Variants in GRM1 observed in about 807,000 individuals in gnomAD.
GRM1 encodes glutamate metabotropic receptor 1, also known as metabotropic glutamate receptor 1.
GRM1 carries 33 observed loss-of-function variants against 90.9 expected under a neutral mutation model. The ratio of observed to expected loss-of-function variants is 0.36; its 90% confidence interval spans 0.28 to 0.49. The LOEUF is 0.49. Ranked by LOEUF, GRM1 falls within the 20% of genes least tolerant of loss-of-function variation. GRM1 has a pLI of 0.99. For synonymous variants in GRM1, 700 were observed against 613.2 expected, an observed-to-expected ratio of 1.14 and a Z score of -2.09; for missense variants, 1,190 against 1,534.3, an observed-to-expected ratio of 0.78 and a Z score of 3.75.
intron 1 of GRM1, among the ~76,000 whole-genome samples, chr6:146,108,473 A>G (rs970772327): frequency 1.3e-5 from 2 of 152,162 alleles, no homozygotes; most frequent in Non-Finnish European, 2.9e-5. Context: ...TGCCATTTGA[A>G]ATGTGCCTTT....
At chr6:146,178,629 A>C (rs1227729985) in intron 2 of GRM1, among the ~76,000 whole-genome samples, 1 of 152,144 alleles carries the variant, frequency 6.6e-6, no homozygotes, top group Admixed American at 6.5e-5. Context: ...GCGCTCAATA[A>C]GTTTTAGGTT....
chr6:146,240,438 A>T (rs565544653), intron 2 of GRM1, among the ~76,000 whole-genome samples: 11 of 151,818 alleles, frequency 7.2e-5, no homozygotes, highest in African/African-American at 2.7e-4. Context: ...GGAAACTGGT[A>T]CTATCTGTGG....
chr6:146,080,068 T>C (rs534970243), intron 1 of GRM1, among the ~76,000 whole-genome samples: 12 of 152,272 alleles, frequency 7.9e-5, no homozygotes, highest in African/African-American at 2.9e-4. Flanking sequence ...ATAAAGTAGG[T>C]AAGTGTGAGA....
chr6:146,303,759 T>A (rs1783476628), intron 2 of GRM1, among the ~76,000 whole-genome samples: 1 of 152,152 alleles, frequency 6.6e-6, no homozygotes, highest in Non-Finnish European at 1.5e-5. Flanking sequence ...AGAGTTGGGT[T>A]CAGTGTCTCT....
At chr6:146,424,640 G>C (rs1056965493) in intron 7 of GRM1, among the ~76,000 whole-genome samples, 8 of 152,226 alleles carry the variant, frequency 5.3e-5, no homozygotes, top group Non-Finnish European at 4.4e-5. Flanking sequence ...GGTAGAGATT[G>C]TGTTTGTCTG....
intron 7 of GRM1, among the ~76,000 whole-genome samples, chr6:146,429,534 T>C (rs1778330372): frequency 6.6e-6 from 1 of 152,116 alleles, no homozygotes; most frequent in Admixed American, 6.6e-5. Flanking sequence ...CAAGACCTAC[T>C]TCTCAAGCTG....
chr6:146,330,869 T>C (rs1047450489), intron 3 of GRM1, among the ~76,000 whole-genome samples: 2 of 152,208 alleles, frequency 1.3e-5, no homozygotes, highest in Non-Finnish European at 2.9e-5. Context: ...AAAAAAATTA[T>C]TTATATCTGT....
At chr6:146,270,849 TTTTCTTTCTTTCTTTCTTTCTTTCTTTC>T (rs1164507964) in intron 2 of GRM1, among the ~76,000 whole-genome samples, 2 of 91,692 alleles carry the variant, frequency 2.2e-5, no homozygotes, top group Non-Finnish European at 4.4e-5. Context: ...CTTTCTTTCT[TTTTCTTTCTTTCTTTCTTTCTTTCTTTC>T]TTTCTTTCTT....
At chr6:146,406,182 C>G (rs114908142) in intron 7 of GRM1, among the ~76,000 whole-genome samples, 1 of 151,990 alleles carries the variant, frequency 6.6e-6, no homozygotes, top group Non-Finnish European at 1.5e-5. Flanking sequence ...GAGGCCTGGC[C>G]GAGAGCTAGG....
chr6:146,259,974 T>A (rs954764914), intron 2 of GRM1, among the ~76,000 whole-genome samples: 6 of 145,232 alleles, frequency 4.1e-5, no homozygotes, highest in East Asian at 2.0e-4. Flanking sequence ...ATATATATAT[T>A]TATATATATA....
intron 2 of GRM1, among the ~76,000 whole-genome samples, chr6:146,214,006 G>A (rs1779783202): frequency 6.6e-6 from 1 of 152,048 alleles, no homozygotes; most frequent in Non-Finnish European, 1.5e-5. Context: ...AAAGAAGAAT[G>A]TCTCCTAGCT....
At chr6:146,263,875 G>T (rs913526895) in intron 2 of GRM1, among the ~76,000 whole-genome samples, 10 of 152,074 alleles carry the variant, frequency 6.6e-5, no homozygotes, top group Non-Finnish European at 1.0e-4. Context: ...TTGCTGTAAT[G>T]ACATTAAAAG....
At chr6:146,085,246 T>A (rs1279683163) in intron 1 of GRM1, among the ~76,000 whole-genome samples, 1 of 152,052 alleles carries the variant, frequency 6.6e-6, no homozygotes, top group Non-Finnish European at 1.5e-5. Context: ...AAATACATTA[T>A]AAATAAAATT....
chr6:146,365,290 T>C (rs1210450617), intron 5 of GRM1: 2 of 152,060 alleles, frequency 1.3e-5, no homozygotes, highest in Non-Finnish European at 2.9e-5. Flanking sequence ...GCAAACACAG[T>C]CATAGTGAAA....
At chr6:146,174,557 T>G (rs1381526754) in intron 2 of GRM1, among the ~76,000 whole-genome samples, 1 of 152,232 alleles carries the variant, frequency 6.6e-6, no homozygotes, top group Non-Finnish European at 1.5e-5. Context: ...ATTATATCTA[T>G]GTACTGAGTT....
At chr6:146,133,153 C>G (rs1045649195) in intron 1 of GRM1, among the ~76,000 whole-genome samples, 1 of 152,132 alleles carries the variant, frequency 6.6e-6, no homozygotes, top group Admixed American at 6.5e-5. Flanking sequence ...ATCAACAATA[C>G]CTATGTGGTT....
chr6:146,190,830 C>T (rs1778912645), intron 2 of GRM1, among the ~76,000 whole-genome samples: 1 of 152,122 alleles, frequency 6.6e-6, no homozygotes, highest in Non-Finnish European at 1.5e-5. Flanking sequence ...TTTTCTCTCT[C>T]CCCAATCTTG....
chr6:146,182,029 G>A (rs920216251), intron 2 of GRM1, among the ~76,000 whole-genome samples: 2 of 151,986 alleles, frequency 1.3e-5, no homozygotes, highest in Non-Finnish European at 2.9e-5. Flanking sequence ...AGTTGTGAAA[G>A]GTTATGTCAA....
chr6:146,200,870 G>T lies in GRM1; in HGVS notation c.950+41273G>T, dbSNP rs370348595. ...GCAGTTCAAATAAAGTTTTGGTCAG[G>T]TTCATTTGGAACCATGAGTCAAAAT... On this transcript the variant is annotated intron_variant, in intron 2 of 7. Coordinates refer to ENST00000282753, the MANE Select transcript of GRM1 (RefSeq NM_001278064.2). 1.4e-4 allele frequency among the ~76,000 whole-genome samples: 21 copies of T among 152,258 alleles called. 1 individual carries two copies. Among genetic ancestry groups the T allele is most frequent in the African/African-American group, 5.1e-4 (21 of 41,550 alleles).
Sources: allele counts gnomAD v4.1 joint callset (sites outside exome capture counted in the v4.1 genomes callset), GRCh38; gene constraint gnomAD v4.1.1; transcripts MANE v1.5; gene names NCBI Gene and HGNC (gene_info 2026-07-23, HGNC 2026-07-21).